ZNF521: variants seen among roughly 807,000 people sequenced by gnomAD.
ZNF521 encodes LYST-interacting protein 3.
Under a neutral mutation model 105.5 loss-of-function variants are expected in ZNF521, and 14 were observed. The ratio of observed to expected loss-of-function variants is 0.13; its 90% CI spans 0.09 to 0.21. The LOEUF is 0.21. Among genes scored for constraint, ZNF521 ranks in the 10% least tolerant of loss-of-function variants. The pLI, the probability that ZNF521 is intolerant of heterozygous loss-of-function variation, is 1.00. For missense variants in ZNF521, 1,233 were observed against 1,629.7 expected, an observed-to-expected ratio of 0.76 and a Z score of 4.19; for synonymous variants, 635 against 606.0, an observed-to-expected ratio of 1.05 and a Z score of -0.70.
intron 3 of ZNF521, among the ~76,000 whole-genome samples, chr18:25,256,354 C>T (rs972470105): frequency 8.6e-5 from 13 of 152,036 alleles, no homozygotes; most frequent in African/African-American, 2.9e-4. Flanking sequence ...TGTGAATGTA[C>T]GTAACACTTA....
At chr18:25,212,814 A>G (rs2036216399) in intron 4 of ZNF521, among the ~76,000 whole-genome samples, 1 of 150,940 alleles carries the variant, frequency 6.6e-6, no homozygotes, top group East Asian at 1.9e-4. Flanking sequence ...TCTCCCTATC[A>G]TAAGTAGGAT....
intron 3 of ZNF521, among the ~76,000 whole-genome samples, chr18:25,253,107 T>C (rs45626631): frequency 2.8e-4 from 42 of 152,300 alleles, no homozygotes; most frequent in Middle Eastern, 3.4e-3. Flanking sequence ...CTTGCTGACA[T>C]GCCATTTTAT....
At chr18:25,176,005 C>T (rs1484494253) in intron 5 of ZNF521, among the ~76,000 whole-genome samples, 3 of 152,216 alleles carry the variant, frequency 2.0e-5, no homozygotes, top group East Asian at 3.8e-4. Context: ...CTAGAAACCA[C>T]AGCACAGCTC....
At chr18:25,222,566 GAC>G (rs1422544569) in intron 4 of ZNF521, among the ~76,000 whole-genome samples, 1 of 151,994 alleles carries the variant, frequency 6.6e-6, no homozygotes, top group African/African-American at 2.4e-5. Context: ...CACACACACA[GAC>G]ACACAGACTA....
intron 5 of ZNF521, among the ~76,000 whole-genome samples, chr18:25,133,196 A>G (rs1411093850): frequency 6.6e-6 from 1 of 152,210 alleles, no homozygotes; most frequent in East Asian, 1.9e-4. Context: ...TGTCAAATGC[A>G]GTTGAATTTA....
intron 5 of ZNF521, among the ~76,000 whole-genome samples, chr18:25,167,401 C>G (rs761428850): frequency 6.6e-6 from 1 of 152,126 alleles, no homozygotes; most frequent in South Asian, 2.1e-4. Context: ...AGGTAAAATA[C>G]TCCAAAATGA....
chr18:25,171,982 A>G lies in ZNF521; in HGVS notation c.3658+23178T>C, dbSNP rs144669454. On this transcript the variant is annotated intron_variant, in intron 5 of 7. Coordinates refer to ENST00000361524, the MANE Select transcript of ZNF521 (RefSeq NM_015461.3). ...TATTTCTCCTCAAGTATTGCAGCAT[A>G]TAAGTTGATACACACCATATGATAT... Among the ~76,000 whole-genome samples the G allele has an allele frequency of 1.4e-4, 21 of 151,994 alleles. No homozygotes were observed. In the East Asian group the frequency reaches 2.9e-3, roughly 21 times the overall value.
intron 2 of ZNF521, among the ~76,000 whole-genome samples, chr18:25,332,939 AAT>A (rs1047356788): frequency 2.0e-5 from 3 of 152,168 alleles, no homozygotes; most frequent in Admixed American, 6.5e-5. Context: ...ACTGTAAATT[AAT>A]AGTTGTTCGT....
intron 5 of ZNF521, among the ~76,000 whole-genome samples, chr18:25,183,405 C>T (rs2035666273): frequency 6.6e-6 from 1 of 152,126 alleles, no homozygotes; most frequent in South Asian, 2.1e-4. Context: ...GACTTAGTGA[C>T]AAAATGAAAG....
chr18:25,231,010 A>C (rs1321296309), intron 3 of ZNF521, among the ~76,000 whole-genome samples: 2 of 152,200 alleles, frequency 1.3e-5, no homozygotes, highest in Non-Finnish European at 2.9e-5. Flanking sequence ...TTCAGTGGAA[A>C]GTAGAGCCGC....
intron 5 of ZNF521, among the ~76,000 whole-genome samples, chr18:25,096,423 CA>C (rs2033853095): frequency 6.6e-6 from 1 of 152,156 alleles, no homozygotes; most frequent in African/African-American, 2.4e-5. Context: ...TATTAGTTAC[CA>C]TTTGGATGCT....
intron 2 of ZNF521, among the ~76,000 whole-genome samples, chr18:25,328,402 AACACAC>A (rs57967888): frequency 0.24 from 33,381 of 141,498 alleles, 3,739 homozygotes; most frequent in Non-Finnish European, 0.25. Context: ...GGGGAGGTTA[AACACAC>A]ACACACACAC....
At chr18:25,204,741 CT>C (rs2036049705) in intron 4 of ZNF521, among the ~76,000 whole-genome samples, 2 of 152,058 alleles carry the variant, frequency 1.3e-5, no homozygotes, top group Non-Finnish European at 2.9e-5. Flanking sequence ...CTTTATTAGG[CT>C]TACTCTCCTC....
chr18:25,168,490 G>A (rs577245582), intron 5 of ZNF521, among the ~76,000 whole-genome samples: 40 of 152,218 alleles, frequency 2.6e-4, no homozygotes, highest in East Asian at 3.9e-4. Context: ...GTGTGCACCC[G>A]GTCCCAAACA....
intron 5 of ZNF521, among the ~76,000 whole-genome samples, chr18:25,146,601 C>T (rs1472180338): frequency 3.3e-5 from 5 of 152,164 alleles, no homozygotes; most frequent in African/African-American, 1.2e-4. Context: ...ATTAGAAAAA[C>T]TGTTTTTCAC....
intron 2 of ZNF521, among the ~76,000 whole-genome samples, chr18:25,346,808 C>T (rs1914481554): frequency 1.3e-5 from 2 of 152,114 alleles, no homozygotes; most frequent in Non-Finnish European, 2.9e-5. Flanking sequence ...CTCCAGAGGT[C>T]CCTGGTATGG....
At chr18:25,222,369 T>A (rs751226371) in intron 4 of ZNF521, among the ~76,000 whole-genome samples, 13 of 152,238 alleles carry the variant, frequency 8.5e-5, no homozygotes, top group Non-Finnish European at 1.5e-4. Context: ...ACTATTTATA[T>A]GTCCTCATTC....
chr18:25,178,382 G>C (rs939947397), intron 5 of ZNF521, among the ~76,000 whole-genome samples: 1 of 152,112 alleles, frequency 6.6e-6, no homozygotes, highest in African/African-American at 2.4e-5. Flanking sequence ...TCCGAACAAA[G>C]CTCTTGCTAT....
At chr18:25,154,540 T>C (rs1049762451) in intron 5 of ZNF521, among the ~76,000 whole-genome samples, 1 of 152,164 alleles carries the variant, frequency 6.6e-6, no homozygotes, top group African/African-American at 2.4e-5. Context: ...ATTCTTAATA[T>C]AAGTTGAGGT....
Sources: allele counts gnomAD v4.1 joint callset (sites outside exome capture counted in the v4.1 genomes callset), GRCh38; gene constraint gnomAD v4.1.1; transcripts MANE v1.5; gene names NCBI Gene and HGNC (gene_info 2026-07-23, HGNC 2026-07-21).